Variants in SENP6 observed in about 807,000 individuals in gnomAD.
The protein encoded by SENP6 is sentrin-specific protease 6.
In SENP6, 41 loss-of-function variants were observed where a neutral mutation model predicts 134.5. That is an observed-to-expected ratio of 0.30 (90% confidence interval 0.24 to 0.40). The LOEUF is 0.40. SENP6 is among the 10% of genes least tolerant of loss of function. The pLI is 1.00. For synonymous variants in SENP6, 395 were observed against 429.8 expected (o/e 0.92, Z 1.00); for missense variants, 1,248 against 1,312.5 (o/e 0.95, Z 0.76).
chr6:75,625,724 C>G (rs1247234559), intron 3 of SENP6, among the ~76,000 whole-genome samples: 3 of 152,028 alleles, frequency 2.0e-5, no homozygotes, highest in African/African-American at 7.2e-5. Context: ...GAAAAATTAG[C>G]CAGGCATGGT....
At chr6:75,704,834 T>C (rs1036528415) in intron 19 of SENP6, among the ~76,000 whole-genome samples, 3 of 152,198 alleles carry the variant, frequency 2.0e-5, no homozygotes, top group Non-Finnish European at 4.4e-5. Context: ...TGATGACTTT[T>C]ACCGAGCATA....
chr6:75,638,612 ATATATATATATT>A (rs1414142159), intron 5 of SENP6, among the ~76,000 whole-genome samples: 246 of 38,494 alleles, frequency 6.4e-3, no homozygotes, highest in Non-Finnish European at 8.0e-3. Context: ...ATATATATAT[ATATATATATATT>A]TTTTTTTTTT....
At chr6:75,684,046 A>G (rs1352120560) in intron 16 of SENP6, among the ~76,000 whole-genome samples, 1 of 152,094 alleles carries the variant, frequency 6.6e-6, no homozygotes, top group Non-Finnish European at 1.5e-5. Context: ...ATATTCTTCC[A>G]TTTGTTTGTG....
chr6:75,666,162 A>G (rs1288658984), intron 9 of SENP6, among the ~76,000 whole-genome samples: 2 of 83,890 alleles, frequency 2.4e-5, no homozygotes, highest in African/African-American at 5.7e-5. Context: ...CATATATGAT[A>G]TATATATAAA....
At position 75,677,256 on chromosome 6, in the gene SENP6, T is replaced by C. The variant is rs1386678698; in HGVS notation, c.1848T>C (p.Thr616=). The part of the protein sequence containing the change: ...SCGQKENKIK[T]VSFESKIQLR... ...GGCAAAAGGAAAACAAAATTAAAACTGTAATTATGTTTTTTAATTTAAAAA... is the reference window on the plus strand; with the variant it reads ...GGCAAAAGGAAAACAAAATTAAAACCGTAATTATGTTTTTTAATTTAAAAA... The change falls in exon 14 of 24, where the codon ACT becomes ACC. Residue 616 remains threonine (T), a splice_region_variant and synonymous_variant. Coordinates refer to ENST00000447266, the MANE Select transcript of SENP6 (RefSeq NM_015571.4). 1.8e-5 allele frequency: 27 copies of C among 1,542,148 alleles called. No individual in the cohort carries two copies. The highest frequency in any genetic ancestry group is 2.8e-5 in the African/African-American group (2 of 71,932).
chr6:75,619,486 C>T (rs1768104646), intron 1 of SENP6, among the ~76,000 whole-genome samples: 1 of 150,380 alleles, frequency 6.6e-6, no homozygotes, highest in Non-Finnish European at 1.5e-5. Flanking sequence ...CATATGTACA[C>T]ACATACTGTA....
At chr6:75,645,183 A>G (rs927473166) in intron 6 of SENP6, among the ~76,000 whole-genome samples, 2 of 152,230 alleles carry the variant, frequency 1.3e-5, no homozygotes, top group Admixed American at 1.3e-4. Flanking sequence ...AGATGACAGT[A>G]GAGCTTCTCT....
chr6:75,677,204 A>AT lies in SENP6; in HGVS notation c.1797dup (p.Glu600Ter), dbSNP rs1773148980. ...AGACTTGTTGCCTGTACAAGAACCTATGAAGAGAGCATCAAAGGAAGTTGT... is the reference window on the plus strand; with the variant it reads ...AGACTTGTTGCCTGTACAAGAACCTATTGAAGAGAGCATCAAAGGAAGTTGT... On this transcript the variant is annotated frameshift_variant, in exon 14 of 24. Transcript: ENST00000447266. LOFTEE classifies it high-confidence loss of function. 19 of 1,608,660 alleles carry AT rather than the reference A, an allele frequency of 1.2e-5. No homozygotes were observed. Among genetic ancestry groups the AT allele is most frequent in the Non-Finnish European group, 1.5e-5 (18 of 1,177,696 alleles).
At chr6:75,640,277 C>T (rs79608561) in intron 5 of SENP6, among the ~76,000 whole-genome samples, 3,202 of 152,042 alleles carry the variant, frequency 0.021, 116 homozygotes, top group African/African-American at 0.073. Flanking sequence ...TGGTTGACAC[C>T]CATTTTATTT....
Position 75,619,443 on chromosome 6 carries a change from CTATGTG to C in SENP6, c.53-2087_53-2082del, listed in dbSNP as rs1380012027. On this transcript the variant is annotated intron_variant, in intron 1 of 23. Transcript: ENST00000447266. ...AAGGCTGAATAACATTCCGTTGTGTCTATGTGTGTGTGTGTGTGTGTGTGTGTGTGT... is the reference window on the plus strand; with the variant it reads ...AAGGCTGAATAACATTCCGTTGTGTCTGTGTGTGTGTGTGTGTGTGTGTGT... Among the ~76,000 whole-genome samples the C allele has an allele frequency of 4.1e-3, 300 of 72,790 alleles. 2 individuals are homozygous for C. The highest frequency in any genetic ancestry group is 0.013 in the African/African-American group (273 of 21,226). 47.8% of individuals were successfully genotyped at this position (72,790 alleles called of 152,430 possible). A position where few individuals can be genotyped will look rare whatever the true frequency, so the allele number is the denominator to read the frequency against.
At chr6:75,626,781 A>G (rs1434898174) in intron 3 of SENP6, among the ~76,000 whole-genome samples, 1 of 152,162 alleles carries the variant, frequency 6.6e-6, no homozygotes, top group Non-Finnish European at 1.5e-5. Flanking sequence ...ATTTCCCTGT[A>G]ATCTTGCAAA....
At chr6:75,625,012 T>C (rs550748419) in intron 3 of SENP6, among the ~76,000 whole-genome samples, 1 of 152,196 alleles carries the variant, frequency 6.6e-6, no homozygotes, top group East Asian at 1.9e-4. Flanking sequence ...TAATGGTGTA[T>C]TGTATAATAA....
chr6:75,696,308 G>GT (rs1380282862), intron 17 of SENP6, among the ~76,000 whole-genome samples: 2 of 151,962 alleles, frequency 1.3e-5, no homozygotes, highest in Non-Finnish European at 2.9e-5. Context: ...TGACTAGTAG[G>GT]TTTTTTTAAA....
In SENP6 at chr6:75,717,652, A is replaced by T. The variant is rs923933822; in HGVS notation, c.*2058A>T. On this transcript the variant is annotated 3_prime_UTR_variant, in exon 24 of 24. Transcript: ENST00000447266. ...TTTCGTGTATATGCACATTCACTTG[A>T]TAATTGTGTATTCTATGTAGTTTAA... 6.6e-6 allele frequency: 1 copy of T among 152,152 alleles called. No homozygotes were observed. The highest frequency in any genetic ancestry group is 2.4e-5 in the African/African-American group (1 of 41,448). The allele number at this position is 152,152 out of a possible 1,614,324, so 9.4% of individuals were successfully genotyped here.
chr6:75,676,870 C>A, intron 13 of SENP6, 160 bp from the exon 14 acceptor site: 1 of 544,618 alleles, frequency 1.8e-6, no homozygotes, highest in Non-Finnish European at 3.2e-6. Flanking sequence ...CTGGTCTTTC[C>A]AGTGATTGTT....
intron 4 of SENP6, among the ~76,000 whole-genome samples, chr6:75,634,232 C>T (rs938157447): frequency 6.6e-6 from 1 of 152,142 alleles, no homozygotes; most frequent in Non-Finnish European, 1.5e-5. Context: ...TACATAAAAG[C>T]TCAGTAACTT....
At chr6:75,696,279 G>A (rs1019874402) in intron 17 of SENP6, among the ~76,000 whole-genome samples, 9 of 152,084 alleles carry the variant, frequency 5.9e-5, no homozygotes, top group Non-Finnish European at 1.2e-4. Context: ...CAAATATCTA[G>A]AATAGTGTTT....
chr6:75,699,072 A>G lies in SENP6; in HGVS notation c.2288+1555A>G, dbSNP rs558758902. ...AAGAAGGTTTCTTGACTGGGTACTA[A>G]TTTGTCTTGTAAAGTAACATGTGAA... On this transcript the variant is annotated intron_variant, in intron 18 of 23. Transcript: ENST00000447266. 4.6e-5 allele frequency among the ~76,000 whole-genome samples: 7 copies of G among 152,190 alleles called. No homozygotes were observed. In the East Asian group the frequency reaches 1.3e-3, roughly 29 times the overall value.
intron 3 of SENP6, among the ~76,000 whole-genome samples, chr6:75,624,251 A>G (rs1768497223): frequency 6.6e-6 from 1 of 152,204 alleles, no homozygotes; most frequent in Non-Finnish European, 1.5e-5. Context: ...AGAGTTCATA[A>G]AAAGCACCTC....
Sources: gnomAD v4.1 joint callset for allele counts (sites outside exome capture counted in the v4.1 genomes callset) on GRCh38, gnomAD v4.1.1 for gene constraint, MANE v1.5 for transcripts, NCBI Gene and HGNC (gene_info 2026-07-23, HGNC 2026-07-21) for gene names.